Variants in GRK3 observed in about 807,000 individuals in gnomAD.
GRK3 encodes the protein G protein-coupled receptor kinase 3.
GRK3 carries 54 observed loss-of-function variants against 95.7 expected under a neutral mutation model. That is an observed-to-expected ratio of 0.56 (90% confidence interval 0.45 to 0.71). The LOEUF is 0.71. Ranked by LOEUF, GRK3 falls within the 30% of genes least tolerant of loss-of-function variation. The probability of loss-of-function intolerance (pLI) is 0.00; values close to 1 mark genes in which losing one functional copy is unlikely to be tolerated. For missense variants in GRK3, 649 were observed against 851.2 expected (o/e 0.76, Z 2.96); for synonymous variants, 281 against 290.8 (o/e 0.97, Z 0.34).
chr22:25,687,706 T>A, intron 11 of GRK3, 39 bp downstream of exon 11: 1 of 1,610,336 alleles, frequency 6.2e-7, no homozygotes, highest in Non-Finnish European at 8.5e-7. Flanking sequence ...ATAGTAGGTA[T>A]TGTGTGAATG....
Position 25,714,419 on chromosome 22 carries a change from C to G in GRK3, c.1503C>G (p.Cys501Trp). 1 of 1,596,406 alleles carries G rather than the reference C, an allele frequency of 6.3e-7. No homozygotes were observed. Among genetic ancestry groups the G allele is most frequent in the Non-Finnish European group, 8.5e-7 (1 of 1,174,846 alleles). The change falls in exon 18 of 21, where the codon TGC becomes TGG. Residue 501 changes from cysteine to tryptophan, a missense_variant. Cys to Trp is a radical substitution (Grantham distance 215, BLOSUM62 -2). Around this residue, in one of 3 missense-constraint regions of GRK3, gnomAD observed 382 missense variants for 493.8 expected, o/e 0.77. Coordinates refer to ENST00000324198, the MANE Select transcript of GRK3 (RefSeq NM_005160.4). ...EDTKGIKLLD[C>W]DQELYKNFPL... is the part of the protein sequence containing the mutation. ...CTTAAAATAATCAGCTACTTGATTGCGACCAAGAACTCTACAAGAACTTCC... is the reference window on the plus strand; with the variant it reads ...CTTAAAATAATCAGCTACTTGATTGGGACCAAGAACTCTACAAGAACTTCC...
intron 1 of GRK3, among the ~76,000 whole-genome samples, chr22:25,575,836 C>T (rs1931871477): frequency 6.6e-6 from 1 of 152,226 alleles, no homozygotes; most frequent in African/African-American, 2.4e-5. Flanking sequence ...ATACTAGTGT[C>T]TTGACTGTGG....
chr22:25,722,339 G>A lies in GRK3; in HGVS notation c.1956G>A (p.Lys652=). The change falls in exon 21 of 21, where the codon AAG becomes AAA. Residue 652 remains lysine, a synonymous_variant. Transcript: ENST00000324198. ...AGAAAGAGTTGAACGAAACCTTCAA[G>A]GAGGCCCAGCGGCTATTGCGTCGTG... is the stretch of plus-strand genomic sequence containing the variant. The part of the protein sequence containing the change: ...QWKKELNETF[K]EAQRLLRRAP... The A allele has an allele frequency of 6.2e-7, 1 of 1,614,202 alleles. No homozygotes were observed. Among genetic ancestry groups the A allele is most frequent in the Non-Finnish European group, 8.5e-7 (1 of 1,180,036 alleles).
chr22:25,648,436 G>A (rs542335114), intron 3 of GRK3: 22 of 1,283,772 alleles, frequency 1.7e-5, no homozygotes, highest in South Asian at 7.1e-5. Context: ...TAATCTTTGC[G>A]ACTAGAGGTT....
At chr22:25,643,319 A>G (rs1035704899) in intron 2 of GRK3, among the ~76,000 whole-genome samples, 7 of 152,192 alleles carry the variant, frequency 4.6e-5, no homozygotes, top group African/African-American at 7.2e-5. Context: ...CTATTTAACT[A>G]GTACTCTTAG....
At chr22:25,673,608 C>T (rs776792440) in intron 7 of GRK3, among the ~76,000 whole-genome samples, 8 of 151,970 alleles carry the variant, frequency 5.3e-5, no homozygotes, top group Non-Finnish European at 8.8e-5. Flanking sequence ...GTGGCCCAAA[C>T]GCAGGTTTCT....
At chr22:25,612,380 G>T (rs1433632059) in intron 2 of GRK3, among the ~76,000 whole-genome samples, 2 of 152,034 alleles carry the variant, frequency 1.3e-5, no homozygotes, top group Non-Finnish European at 2.9e-5. Flanking sequence ...GAATGGAATT[G>T]TTTTATTTAT....
At chr22:25,695,300 G>A (rs1353087816) in intron 13 of GRK3, 86 bp downstream of exon 13, 5 of 894,042 alleles carry the variant, frequency 5.6e-6, no homozygotes, top group East Asian at 2.5e-5. Context: ...ATGACTAGAC[G>A]CTAATGTTAT....
At position 25,727,584 on chromosome 22, in the gene GRK3, G is replaced by T. The variant is rs1312504006; in HGVS notation, c.*5134G>T. 1 of 152,168 alleles carries T rather than the reference G, an allele frequency of 6.6e-6. No individual in the cohort carries two copies. Among genetic ancestry groups the T allele is most frequent in the Non-Finnish European group, 1.5e-5 (1 of 68,034 alleles). 9.4% of individuals were successfully genotyped at this position (152,168 alleles called of 1,614,324 possible). ...ACAAACTACAGAAAATGGGTTAAGAGTATACGCATTTCATCAAACACATAT... is the reference window on the plus strand; with the variant it reads ...ACAAACTACAGAAAATGGGTTAAGATTATACGCATTTCATCAAACACATAT... On this transcript the variant is annotated 3_prime_UTR_variant, in exon 21 of 21. Transcript: ENST00000324198.
At chr22:25,674,647 C>T (rs2146417161) in intron 8 of GRK3, 119 bp downstream of exon 8, 1 of 782,882 alleles carries the variant, frequency 1.3e-6, no homozygotes, top group Non-Finnish European at 2.1e-6. Context: ...AGTACTTTAC[C>T]TCCAAAAGAA....
At chr22:25,671,936 A>G (rs754036372) in intron 6 of GRK3, among the ~76,000 whole-genome samples, 4 of 152,248 alleles carry the variant, frequency 2.6e-5, no homozygotes, top group Non-Finnish European at 5.9e-5. Flanking sequence ...AATGTAGAAT[A>G]TCTCATTAAT....
chr22:25,646,561 A>G (rs1373755324), intron 3 of GRK3, among the ~76,000 whole-genome samples: 3 of 152,258 alleles, frequency 2.0e-5, no homozygotes, highest in African/African-American at 7.2e-5. Context: ...GAATGAATAC[A>G]TATGAAACAC....
At chr22:25,687,029 A>G (rs1429195436) in intron 10 of GRK3, among the ~76,000 whole-genome samples, 2 of 152,172 alleles carry the variant, frequency 1.3e-5, no homozygotes, top group Admixed American at 6.5e-5. Flanking sequence ...CATGTTGACC[A>G]GGCTGGTCTC....
At chr22:25,566,907 TG>T (rs199712478) in intron 1 of GRK3, among the ~76,000 whole-genome samples, 22 of 149,288 alleles carry the variant, frequency 1.5e-4, no homozygotes, top group East Asian at 1.2e-3. Flanking sequence ...GTTTTTTTTT[TG>T]GGGGGGGCTA....
In GRK3 at chr22:25,689,248, A is replaced by T. The variant is rs79925704; in HGVS notation, c.958-941A>T. 2.4e-3 allele frequency among the ~76,000 whole-genome samples: 366 copies of T among 152,286 alleles called. 4 individuals carry two copies. The Middle Eastern group carries it at 0.031, about 13-fold the overall frequency. On this transcript the variant is annotated intron_variant, in intron 11 of 20. Coordinates refer to ENST00000324198, the MANE Select transcript of GRK3 (RefSeq NM_005160.4). ...CCTTGACATTTTATTTCCTTATGCG[A>T]GCTTTGCAAAAGAACAAAACACATG...
chr22:25,703,238 A>G (rs373316220), intron 13 of GRK3, among the ~76,000 whole-genome samples: 5 of 152,332 alleles, frequency 3.3e-5, no homozygotes, highest in East Asian at 1.9e-4. Flanking sequence ...TTCTTTTCTA[A>G]TGATGTTTCC....
At chr22:25,704,611 A>T (rs758510554) in intron 15 of GRK3, among the ~76,000 whole-genome samples, 3 of 152,096 alleles carry the variant, frequency 2.0e-5, no homozygotes, top group Non-Finnish European at 2.9e-5. Context: ...GGGTTTTCCT[A>T]TGTTGGCCAG....
chr22:25,572,628 T>TCATCTATC (rs1931745375), intron 1 of GRK3, among the ~76,000 whole-genome samples: 1 of 152,360 alleles, frequency 6.6e-6, no homozygotes, highest in African/African-American at 2.4e-5. Flanking sequence ...TTTCTGTCTT[T>TCATCTATC]CATCTATCCA....
At chr22:25,585,777 A>G (rs558393599) in intron 1 of GRK3, among the ~76,000 whole-genome samples, 4 of 152,388 alleles carry the variant, frequency 2.6e-5, no homozygotes, top group African/African-American at 9.6e-5. Flanking sequence ...CAGTGATGTC[A>G]GTTGCAATCC....
Sources: gnomAD v4.1 joint callset for allele counts (sites outside exome capture counted in the v4.1 genomes callset) on GRCh38, gnomAD v4.1.1 for gene constraint, gnomAD v4.1.1 regional missense constraint, MANE v1.5 for transcripts, NCBI Gene and HGNC (gene_info 2026-07-23, HGNC 2026-07-21) for gene names.